Variants in EYA2 observed in about 807,000 individuals in gnomAD.
EYA2 encodes protein phosphatase EYA2.
In EYA2, 31 loss-of-function variants were observed where a neutral mutation model predicts 69.2. The observed-to-expected ratio is 0.45, with a 90% CI of 0.34 to 0.60. The LOEUF is 0.60. Ranked by LOEUF, EYA2 falls within the 20% of genes least tolerant of loss-of-function variation. The pLI, the probability that EYA2 is intolerant of heterozygous loss-of-function variation, is 0.02. For missense variants in EYA2, 622 were observed against 701.2 expected, an observed-to-expected ratio of 0.89 and a Z score of 1.28; for synonymous variants, 257 against 279.4, an observed-to-expected ratio of 0.92 and a Z score of 0.80.
At chr20:46,945,070 C>G (rs1978371654) in intron 1 of EYA2, among the ~76,000 whole-genome samples, 1 of 151,460 alleles carries the variant, frequency 6.6e-6, no homozygotes, top group South Asian at 2.1e-4. Context: ...AGCCACTCCA[C>G]TCCAGCCTGA....
chr20:47,027,541 A>G (rs1342795214), intron 5 of EYA2, among the ~76,000 whole-genome samples: 1 of 152,192 alleles, frequency 6.6e-6, no homozygotes, highest in Non-Finnish European at 1.5e-5. Context: ...CTGAATTTAG[A>G]ACGTATAGAG....
At chr20:46,903,130 C>G (rs1473245724) in intron 1 of EYA2, among the ~76,000 whole-genome samples, 2 of 152,240 alleles carry the variant, frequency 1.3e-5, no homozygotes, top group Non-Finnish European at 2.9e-5. Flanking sequence ...GGGCTGTTTA[C>G]TGGAGAGCCA....
At position 47,072,696 on chromosome 20, in the gene EYA2, T is replaced by A. The variant is rs552411148; in HGVS notation, c.483+444T>A. On this transcript the variant is annotated intron_variant, in intron 6 of 15. Coordinates refer to ENST00000327619, the MANE Select transcript of EYA2 (RefSeq NM_005244.5). Reference sequence around the variant, plus strand: ...GTTAAATAGAGCAAAGTCAACTCTATATAGGTAAATGTTGGCTAGTACTTT... The same window carrying A: ...GTTAAATAGAGCAAAGTCAACTCTAAATAGGTAAATGTTGGCTAGTACTTT... Among the ~76,000 whole-genome samples the A allele has an allele frequency of 2.0e-5, 3 of 152,314 alleles. No homozygotes were observed. In the South Asian group the frequency reaches 6.2e-4, roughly 32 times the overall value.
chr20:47,151,540 C>T (rs2033823255), intron 10 of EYA2, among the ~76,000 whole-genome samples: 3 of 151,888 alleles, frequency 2.0e-5, no homozygotes, highest in Admixed American at 1.3e-4. Flanking sequence ...CCACGCCATG[C>T]CCTCTGTATG....
chr20:47,134,517 T>C (rs1305565692), intron 9 of EYA2, among the ~76,000 whole-genome samples: 3 of 152,168 alleles, frequency 2.0e-5, no homozygotes, highest in African/African-American at 4.8e-5. Context: ...ATTTATTGTT[T>C]TTAATTTTTT....
rs187882035 is a variant in EYA2 at position 47,166,534 on chromosome 20, A to C, written c.979-2605A>C. ...CCCATCAAGGTTCCAGAGATGTTAC[A>C]ACCAATTTTTTCTCAGTAGTCAAGC... On this transcript the variant is annotated intron_variant, in intron 10 of 15. Transcript: ENST00000327619. Among the ~76,000 whole-genome samples the C allele has an allele frequency of 7.9e-5, 12 of 151,666 alleles. No individual in the cohort carries two copies. In the East Asian group the frequency reaches 2.3e-3, roughly 29 times the overall value.
At chr20:46,938,380 C>T (rs938961107) in intron 1 of EYA2, among the ~76,000 whole-genome samples, 2 of 152,012 alleles carry the variant, frequency 1.3e-5, no homozygotes, top group African/African-American at 4.8e-5. Context: ...AACAAGTTAC[C>T]CCAAACTTTA....
intron 1 of EYA2, among the ~76,000 whole-genome samples, chr20:46,957,023 G>A (rs1979164340): frequency 6.6e-6 from 1 of 152,166 alleles, no homozygotes; most frequent in Non-Finnish European, 1.5e-5. Flanking sequence ...ATATGGGGTG[G>A]GAGAGATTTG....
At chr20:47,116,625 G>T (rs2032902199) in intron 9 of EYA2, among the ~76,000 whole-genome samples, 1 of 152,176 alleles carries the variant, frequency 6.6e-6, no homozygotes, top group Non-Finnish European at 1.5e-5. Context: ...AGTGCGTTGG[G>T]CAGTGTCCCA....
At chr20:46,987,916 G>GACTCTCTCTCCCTCTC (rs56288405) in intron 1 of EYA2, among the ~76,000 whole-genome samples, 435 of 20,334 alleles carry the variant, frequency 0.021, 99 homozygotes, top group Non-Finnish European at 0.027. Context: ...GACAGAGTAA[G>GACTCTCTCTCCCTCTC]TCTCTCTCTC....
At chr20:46,949,271 A>T (rs77807911) in intron 1 of EYA2, among the ~76,000 whole-genome samples, 1,955 of 152,368 alleles carry the variant, frequency 0.013, 30 homozygotes, top group African/African-American at 0.043. Context: ...GATACAAAAC[A>T]TACATGAGCC....
chr20:47,119,300 C>T lies in EYA2; in HGVS notation c.888+22132C>T, dbSNP rs6090629. 4.6e-5 allele frequency among the ~76,000 whole-genome samples: 7 copies of T among 152,348 alleles called. 2 individuals carry two copies. Among genetic ancestry groups the T allele is most frequent in the Admixed American group, 4.6e-4 (7 of 15,306 alleles). On this transcript the variant is annotated intron_variant, in intron 9 of 15. Coordinates refer to ENST00000327619, the MANE Select transcript of EYA2 (RefSeq NM_005244.5). Reference sequence around the variant, plus strand: ...AATAGGAGGTGTCCCCTCACCATGCCTGCTTCCCACACTTCCTCTGTGAAT... The same window carrying T: ...AATAGGAGGTGTCCCCTCACCATGCTTGCTTCCCACACTTCCTCTGTGAAT...
chr20:46,928,207 T>C (rs1291536713), intron 1 of EYA2, among the ~76,000 whole-genome samples: 1 of 152,174 alleles, frequency 6.6e-6, no homozygotes, highest in Non-Finnish European at 1.5e-5. Context: ...TTTTACTGAC[T>C]TCATCACTGT....
At chr20:47,041,705 G>A (rs780888973) in intron 5 of EYA2, among the ~76,000 whole-genome samples, 1 of 152,180 alleles carries the variant, frequency 6.6e-6, no homozygotes, top group Admixed American at 6.5e-5. Context: ...AGTGATGCCT[G>A]CCATGACCAC....
At chr20:47,016,109 CTT>C in intron 4 of EYA2, 70 bp from the exon 5 acceptor site, 1 of 1,144,900 alleles carries the variant, frequency 8.7e-7, no homozygotes. Flanking sequence ...CCCAGTAGCT[CTT>C]TTGTGGGTGA....
At chr20:47,110,181 G>C (rs1285223684) in intron 9 of EYA2, among the ~76,000 whole-genome samples, 1 of 152,212 alleles carries the variant, frequency 6.6e-6, no homozygotes, top group African/African-American at 2.4e-5. Flanking sequence ...ATGTGACTTA[G>C]TCAAGGTCAC....
chr20:46,955,387 G>C (rs1979060266), intron 1 of EYA2, among the ~76,000 whole-genome samples: 1 of 152,126 alleles, frequency 6.6e-6, no homozygotes, highest in Non-Finnish European at 1.5e-5. Flanking sequence ...TAAATATAAG[G>C]ACCACTTTTA....
chr20:46,904,268 A>G (rs1327966568), intron 1 of EYA2, among the ~76,000 whole-genome samples: 1 of 152,184 alleles, frequency 6.6e-6, no homozygotes, highest in African/African-American at 2.4e-5. Flanking sequence ...TAAGCACTCA[A>G]TAAATGGTAG....
intron 9 of EYA2, among the ~76,000 whole-genome samples, chr20:47,114,760 C>T (rs990534274): frequency 2.0e-5 from 3 of 152,176 alleles, no homozygotes; most frequent in Admixed American, 2.0e-4. Context: ...ATCATGGGTG[C>T]GGATCCCTCA....
Sources: gnomAD v4.1 joint callset for allele counts (sites outside exome capture counted in the v4.1 genomes callset) on GRCh38, gnomAD v4.1.1 for gene constraint, MANE v1.5 for transcripts, NCBI Gene and HGNC (gene_info 2026-07-23, HGNC 2026-07-21) for gene names.